PTPRD: variants seen among roughly 807,000 people sequenced by gnomAD.
PTPRD encodes protein tyrosine phosphatase receptor type D, also known as receptor-type tyrosine-protein phosphatase delta.
A neutral mutation model predicts 214.5 loss-of-function variants in PTPRD; 34 were observed. The ratio of observed to expected loss-of-function variants is 0.16; its 90% CI spans 0.12 to 0.21. The LOEUF is 0.21. Among genes scored for constraint, PTPRD ranks in the 10% least tolerant of loss-of-function variants. The pLI is 1.00. For missense variants in PTPRD, 2,545 were observed against 2,398.7 expected, an observed-to-expected ratio of 1.06 and a Z score of -1.27; for synonymous variants, 1,128 against 845.7, an observed-to-expected ratio of 1.33 and a Z score of -5.79.
chr9:9,991,980 C>A (rs537008072), intron 4 of PTPRD, among the ~76,000 whole-genome samples: 4 of 152,082 alleles, frequency 2.6e-5, no homozygotes, highest in Admixed American at 2.6e-4. Flanking sequence ...ACATAACGAA[C>A]CTCAAAAACA....
chr9:9,623,674 C>A (rs1478552722), intron 7 of PTPRD, among the ~76,000 whole-genome samples: 4 of 152,186 alleles, frequency 2.6e-5, no homozygotes, highest in African/African-American at 9.7e-5. Context: ...CAGCCTGCTG[C>A]CATCTGGATG....
Position 8,522,261 on chromosome 9 carries a change from A to C in PTPRD, c.692-715T>G, listed in dbSNP as rs183687985. Among the ~76,000 whole-genome samples, 373 of 152,306 alleles carry C rather than the reference A, an allele frequency of 2.4e-3. 4 individuals are homozygous for C. Among genetic ancestry groups the C allele is most frequent in the Non-Finnish European group, 3.9e-3 (263 of 68,018 alleles). ...CTCAAGGCCCGTGCTAAGGATATTG[A>C]AAGAATGGCTGGAATCCAAGACAGC... On this transcript the variant is annotated intron_variant, in intron 19 of 45. Transcript: ENST00000381196.
chr9:10,144,113 T>A (rs2099006675), intron 3 of PTPRD, among the ~76,000 whole-genome samples: 1 of 152,056 alleles, frequency 6.6e-6, no homozygotes, highest in African/African-American at 2.4e-5. Flanking sequence ...AATAAAGTAA[T>A]TTTAAAAATA....
chr9:9,375,004 T>C (rs1269272897), intron 9 of PTPRD, among the ~76,000 whole-genome samples: 1 of 152,232 alleles, frequency 6.6e-6, no homozygotes, highest in East Asian at 1.9e-4. Context: ...GATTCAGTCA[T>C]GCTCTCAATT....
intron 3 of PTPRD, among the ~76,000 whole-genome samples, chr9:10,335,512 G>A (rs887199011): frequency 6.6e-6 from 1 of 151,694 alleles, no homozygotes; most frequent in South Asian, 2.1e-4. Flanking sequence ...TATCATAGAA[G>A]AAAATGTAGA....
Position 10,318,703 on chromosome 9 carries a change from C to G in PTPRD, c.-545+22260G>C, listed in dbSNP as rs561353848. Among the ~76,000 whole-genome samples, 7 of 152,182 alleles carry G rather than the reference C, an allele frequency of 4.6e-5. No individual in the cohort carries two copies. In the South Asian group the frequency reaches 1.4e-3, roughly 32 times the overall value. On this transcript the variant is annotated intron_variant, in intron 3 of 45. Transcript: ENST00000381196. ...TCTTGGCTCACTGCATCCTCTGCCC[C>G]CTAGCTCAGGTGATCCTCCCACTTA... is the stretch of plus-strand genomic sequence containing the variant.
chr9:9,686,951 A>G (rs1365140382), intron 7 of PTPRD, among the ~76,000 whole-genome samples: 1 of 151,724 alleles, frequency 6.6e-6, no homozygotes, highest in East Asian at 1.9e-4. Flanking sequence ...AAAATGTATA[A>G]GACATTGTCC....
At chr9:8,557,774 C>CAAAAAAA (rs2084520408) in intron 14 of PTPRD, among the ~76,000 whole-genome samples, 1 of 99,934 alleles carries the variant, frequency 1.0e-5, no homozygotes, top group African/African-American at 4.1e-5. Flanking sequence ...AAAAGAAAAA[C>CAAAAAAA]AAAATACACA....
chr9:8,474,233 C>T (rs10977144), intron 30 of PTPRD, among the ~76,000 whole-genome samples: 20,713 of 152,030 alleles, frequency 0.14, 2,014 homozygotes, highest in African/African-American at 0.28. Context: ...AATCCAGCTA[C>T]ATTATGATCT....
At chr9:10,507,248 A>G (rs2046313508) in intron 2 of PTPRD, among the ~76,000 whole-genome samples, 1 of 152,126 alleles carries the variant, frequency 6.6e-6, no homozygotes, top group African/African-American at 2.4e-5. Flanking sequence ...AAGGGATGTG[A>G]AGGACCTCTT....
At chr9:9,810,019 G>C (rs922131485) in intron 5 of PTPRD, among the ~76,000 whole-genome samples, 4 of 151,016 alleles carry the variant, frequency 2.6e-5, no homozygotes, top group Non-Finnish European at 4.4e-5. Context: ...GTTATACCAA[G>C]TGTGCCTGCC....
intron 12 of PTPRD, among the ~76,000 whole-genome samples, chr9:8,664,686 A>C (rs867007944): frequency 1.3e-5 from 2 of 152,220 alleles, no homozygotes; most frequent in South Asian, 4.1e-4. Context: ...GAGACACAGT[A>C]ATGACTCACA....
rs2134940798 is a variant in PTPRD, at chr9:8,471,030, G to A, written c.3469C>T (p.Pro1157Ser). Residue 1157 changes from proline to serine, a missense_variant, in exon 31 of 46, where the codon CCA (proline) becomes TCA (serine). Transcript: ENST00000381196. ...TCCATTTCATCTGGACTCTCCCATGGCTTGATAAATTTCCCGCGAGATTTC... is the reference window on the plus strand; with the variant it reads ...TCCATTTCATCTGGACTCTCCCATGACTTGATAAATTTCCCGCGAGATTTC... ...LKKSRGKFIK[P>S]WESPDEMELD... 1 of 1,613,374 alleles carries A rather than the reference G, an allele frequency of 6.2e-7. No homozygotes were observed. The highest frequency in any genetic ancestry group is 1.3e-5 in the African/African-American group (1 of 74,958).
At chr9:10,481,191 G>C (rs889834986) in intron 2 of PTPRD, among the ~76,000 whole-genome samples, 2 of 152,162 alleles carry the variant, frequency 1.3e-5, no homozygotes, top group African/African-American at 4.8e-5. Flanking sequence ...GGCAGGGGTA[G>C]TTAAGGGCAT....
chr9:10,129,692 C>T (rs997093892), intron 3 of PTPRD, among the ~76,000 whole-genome samples: 10 of 151,906 alleles, frequency 6.6e-5, no homozygotes, highest in African/African-American at 2.2e-4. Context: ...CAAGCTGGTA[C>T]ATTATAATTA....
intron 2 of PTPRD, among the ~76,000 whole-genome samples, chr9:10,555,177 T>C (rs1002255754): frequency 1.2e-4 from 18 of 152,296 alleles, no homozygotes; most frequent in African/African-American, 4.3e-4. Flanking sequence ...ACCTAAAATA[T>C]CTAAAAATGA....
chr9:9,921,800 G>C (rs2082624172), intron 5 of PTPRD, among the ~76,000 whole-genome samples: 1 of 151,188 alleles, frequency 6.6e-6, no homozygotes, highest in African/African-American at 2.4e-5. Flanking sequence ...GTGTAATTGA[G>C]AGCAGCTGAT....
At chr9:9,612,851 T>G (rs967884100) in intron 7 of PTPRD, among the ~76,000 whole-genome samples, 21 of 152,220 alleles carry the variant, frequency 1.4e-4, no homozygotes, top group African/African-American at 4.8e-4. Context: ...CAGAACTTCA[T>G]CTATTTTTAA....
At chr9:9,726,040 G>T (rs896381764) in intron 7 of PTPRD, among the ~76,000 whole-genome samples, 2 of 152,074 alleles carry the variant, frequency 1.3e-5, no homozygotes, top group African/African-American at 4.8e-5. Context: ...GTATTAATTT[G>T]ATTTGTTAGA....
Sources: allele counts gnomAD v4.1 joint callset (sites outside exome capture counted in the v4.1 genomes callset), GRCh38; gene constraint gnomAD v4.1.1; transcripts MANE v1.5; gene names NCBI Gene and HGNC (gene_info 2026-07-23, HGNC 2026-07-21).